ANO3: variants seen among roughly 807,000 people sequenced by gnomAD.
ANO3 encodes the protein anoctamin-3.
Under a neutral mutation model 144.8 loss-of-function variants are expected in ANO3, and 99 were observed. That is an observed-to-expected ratio of 0.68 (90% CI 0.58 to 0.81). The LOEUF (loss-of-function observed/expected upper bound fraction) is 0.81. ANO3 is among the 30% of genes least tolerant of loss of function. The pLI is 0.00. For missense variants in ANO3, 905 were observed against 1,202.2 expected, an observed-to-expected ratio of 0.75 and a Z score of 3.66; for synonymous variants, 414 against 392.6, an observed-to-expected ratio of 1.05 and a Z score of -0.64.
chr11:26,565,300 G>T lies in ANO3; in HGVS notation c.1447+5521G>T. On this transcript the variant is annotated intron_variant, in intron 14 of 26. Transcript: ENST00000256737. ...CTGTTTGTGGTAAGCCATCCACTTG[G>T]TTCCACTATCAAGGGGGTCACAGAT... 1.2e-6 allele frequency: 2 copies of T among 1,609,370 alleles called. No homozygotes were observed. The highest frequency in any genetic ancestry group is 1.7e-6 in the Non-Finnish European group (2 of 1,177,216).
At chr11:26,444,014 A>G (rs1384150856) in intron 3 of ANO3, among the ~76,000 whole-genome samples, 178 bp downstream of exon 3, 1 of 152,170 alleles carries the variant, frequency 6.6e-6, no homozygotes, top group African/African-American at 2.4e-5. Flanking sequence ...TTGGAATTCA[A>G]ATATATAGGA....
intron 1 of ANO3, among the ~76,000 whole-genome samples, chr11:26,252,731 T>C (rs1852962841): frequency 6.6e-6 from 1 of 152,204 alleles, no homozygotes; most frequent in East Asian, 1.9e-4. Flanking sequence ...TTAGACGCAT[T>C]ACTTTCTGAT....
intron 12 of ANO3, among the ~76,000 whole-genome samples, chr11:26,549,736 G>A (rs1849882250): frequency 6.6e-6 from 1 of 151,794 alleles, no homozygotes; most frequent in African/African-American, 2.4e-5. Flanking sequence ...AAAAGATACA[G>A]GAATTTGAAA....
At chr11:26,264,849 T>A (rs904063423) in intron 1 of ANO3, among the ~76,000 whole-genome samples, 5 of 151,998 alleles carry the variant, frequency 3.3e-5, no homozygotes, top group Non-Finnish European at 7.4e-5. Context: ...TTATTCCATG[T>A]AATTATATTT....
At chr11:26,613,743 C>T (rs953030030) in intron 17 of ANO3, among the ~76,000 whole-genome samples, 1 of 151,954 alleles carries the variant, frequency 6.6e-6, no homozygotes, top group Admixed American at 6.5e-5. Context: ...AGCTACAATA[C>T]TTGTCAGTGA....
Position 26,245,018 on chromosome 11 carries a change from T to TGTGTGTGTGTGTGCGC in ANO3, c.154+55691_154+55692insTGTGTGTGTGCGCGTG, listed in dbSNP as rs151031559. Among the ~76,000 whole-genome samples the TGTGTGTGTGTGTGCGC allele has an allele frequency of 1.6e-3, 233 of 145,416 alleles. 2 individuals carry two copies. The highest frequency in any genetic ancestry group is 5.5e-3 in the African/African-American group (219 of 39,530). ...GTGTGTGTGTGTGTGTGTGTGTGTGTGTGCATGCATGCATTTGTCTTTCAT... is the reference window on the plus strand; with the variant it reads ...GTGTGTGTGTGTGTGTGTGTGTGTGTGTGTGTGTGTGTGCGCGTGCATGCATGCATTTGTCTTTCAT... On this transcript the variant is annotated intron_variant, in intron 1 of 27. Transcript: ENST00000672621.
At chr11:26,254,393 G>T (rs1306296462) in intron 1 of ANO3, among the ~76,000 whole-genome samples, 1 of 152,144 alleles carries the variant, frequency 6.6e-6, no homozygotes, top group Non-Finnish European at 1.5e-5. Flanking sequence ...ATCTGGGCCA[G>T]ATAACTTGTT....
chr11:26,397,499 C>T (rs1438395915), intron 1 of ANO3, among the ~76,000 whole-genome samples: 1 of 151,902 alleles, frequency 6.6e-6, no homozygotes, highest in African/African-American at 2.4e-5. Flanking sequence ...ATGAAGTTCT[C>T]TATATAAAAA....
chr11:26,274,673 GAC>G (rs1478653635), intron 1 of ANO3, among the ~76,000 whole-genome samples: 1 of 152,034 alleles, frequency 6.6e-6, no homozygotes, highest in East Asian at 1.9e-4. Flanking sequence ...ACATACAAAT[GAC>G]ACATAATGCC....
At chr11:26,444,368 G>T (rs1858631881) in intron 3 of ANO3, among the ~76,000 whole-genome samples, 1 of 152,084 alleles carries the variant, frequency 6.6e-6, no homozygotes, top group African/African-American at 2.4e-5. Context: ...TCATTTTCAT[G>T]AATTAAATAG....
intron 6 of ANO3, among the ~76,000 whole-genome samples, chr11:26,517,399 A>G (rs554907635): frequency 6.6e-6 from 1 of 152,162 alleles, no homozygotes; most frequent in South Asian, 2.1e-4. Context: ...AATAAATGGT[A>G]ATAAGAGGAC....
At chr11:26,429,648 T>C (rs770081545) in intron 1 of ANO3, among the ~76,000 whole-genome samples, 9 of 152,130 alleles carry the variant, frequency 5.9e-5, no homozygotes, top group Non-Finnish European at 1.2e-4. Context: ...CTGTGCTGTA[T>C]ACAGGAGTCA....
chr11:26,375,383 G>A (rs1025136689), intron 1 of ANO3, among the ~76,000 whole-genome samples: 2 of 152,092 alleles, frequency 1.3e-5, no homozygotes, highest in Non-Finnish European at 2.9e-5. Context: ...CAGAGTTAAG[G>A]ACCTTGGTAT....
intron 1 of ANO3, among the ~76,000 whole-genome samples, chr11:26,217,677 G>C (rs896359791): frequency 6.6e-6 from 1 of 152,010 alleles, no homozygotes; most frequent in Admixed American, 6.6e-5. Context: ...TTGGCAAATA[G>C]TATATGTTCT....
upstream of ANO3, among the ~76,000 whole-genome samples, chr11:26,327,461 T>C (rs1204303393): frequency 6.6e-6 from 1 of 152,182 alleles, no homozygotes; most frequent in Non-Finnish European, 1.5e-5. Context: ...ACAAGAAATG[T>C]CATTGCTCCC....
chr11:26,543,922 C>T (rs1274426038), intron 11 of ANO3, among the ~76,000 whole-genome samples: 1 of 151,462 alleles, frequency 6.6e-6, no homozygotes, highest in Non-Finnish European at 1.5e-5. Context: ...TAAACATACG[C>T]TTTTAATTTC....
chr11:26,609,199 G>T (rs2132958535), intron 17 of ANO3, among the ~76,000 whole-genome samples: 1 of 152,232 alleles, frequency 6.6e-6, no homozygotes, highest in Admixed American at 6.5e-5. Context: ...TATCCCCTGT[G>T]GCTCTCAGGT....
chr11:26,612,703 A>G (rs1240276312), intron 17 of ANO3, among the ~76,000 whole-genome samples: 5 of 151,910 alleles, frequency 3.3e-5, no homozygotes, highest in Admixed American at 1.3e-4. Flanking sequence ...AAATTTCTTC[A>G]GCATTTGTTT....
At chr11:26,331,161 C>A (rs1212002033), upstream of ANO3, among the ~76,000 whole-genome samples, 1 of 152,044 alleles carries the variant, frequency 6.6e-6, no homozygotes, top group Non-Finnish European at 1.5e-5. Context: ...AATGGGGGAA[C>A]AACACACACT....
Sources: allele counts gnomAD v4.1 joint callset (sites outside exome capture counted in the v4.1 genomes callset), GRCh38; gene constraint gnomAD v4.1.1; transcripts MANE v1.5; gene names NCBI Gene and HGNC (gene_info 2026-07-23, HGNC 2026-07-21).